The following SPATA16 variants were observed in gnomAD, a reference collection of about 807,000 sequenced individuals.
SPATA16 encodes the protein spermatogenesis associated 16.
In SPATA16, 36 loss-of-function variants were observed where a neutral mutation model predicts 63.3. The observed-to-expected ratio is 0.57, with a 90% CI of 0.44 to 0.75. The LOEUF (loss-of-function observed/expected upper bound fraction) is 0.75, where lower values mean the gene tolerates loss of function less well. Ranked by LOEUF, SPATA16 falls within the 30% of genes least tolerant of loss-of-function variation. SPATA16 has a pLI of 0.00. For synonymous variants in SPATA16, 203 were observed against 216.7 expected (o/e 0.94, Z 0.56); for missense variants, 646 against 679.3 (o/e 0.95, Z 0.54).
intron 4 of SPATA16, among the ~76,000 whole-genome samples, chr3:173,006,931 T>C (rs953948764): frequency 6.6e-6 from 1 of 152,178 alleles, no homozygotes; most frequent in African/African-American, 2.4e-5. Context: ...ACCCTAAATG[T>C]TATACTAATT....
chr3:173,096,772 G>A (rs1036589463), intron 2 of SPATA16, among the ~76,000 whole-genome samples: 1 of 151,938 alleles, frequency 6.6e-6, no homozygotes, highest in Admixed American at 6.6e-5. Context: ...ATGTGTACAA[G>A]GTGACTTATC....
At chr3:172,938,018 A>T (rs1443773051) in intron 6 of SPATA16, among the ~76,000 whole-genome samples, 1 of 152,172 alleles carries the variant, frequency 6.6e-6, no homozygotes, top group Non-Finnish European at 1.5e-5. Flanking sequence ...TCTCAGATGA[A>T]GCAGCTGATA....
intron 3 of SPATA16, among the ~76,000 whole-genome samples, chr3:173,020,997 A>G (rs1735319074): frequency 6.6e-6 from 1 of 152,194 alleles, no homozygotes; most frequent in South Asian, 2.1e-4. Flanking sequence ...GCACATAATC[A>G]TAATTGCACA....
At chr3:173,081,639 GA>G (rs1736924434) in intron 2 of SPATA16, among the ~76,000 whole-genome samples, 2 of 152,074 alleles carry the variant, frequency 1.3e-5, no homozygotes, top group South Asian at 2.1e-4. Context: ...CAAAAGACCA[GA>G]ACAAGGTAAA....
chr3:173,050,784 C>T (rs1470925911), intron 2 of SPATA16, among the ~76,000 whole-genome samples: 1 of 152,040 alleles, frequency 6.6e-6, no homozygotes, highest in African/African-American at 2.4e-5. Context: ...AAAAAATTAG[C>T]AAAGACTATT....
chr3:172,925,826 C>G (rs367952223), intron 6 of SPATA16, among the ~76,000 whole-genome samples: 1 of 151,880 alleles, frequency 6.6e-6, no homozygotes, highest in Non-Finnish European at 1.5e-5. Context: ...CAAGAGACTT[C>G]GATTTTTCTT....
intron 3 of SPATA16, among the ~76,000 whole-genome samples, chr3:173,030,179 TAAATG>T (rs1735571029): frequency 6.7e-6 from 1 of 149,660 alleles, no homozygotes; most frequent in Non-Finnish European, 1.5e-5. Flanking sequence ...CTTATGAAGT[TAAATG>T]AAAGTAAAAA....
chr3:172,977,453 G>C (rs1734191774), intron 4 of SPATA16, among the ~76,000 whole-genome samples: 1 of 151,880 alleles, frequency 6.6e-6, no homozygotes, highest in Non-Finnish European at 1.5e-5. Flanking sequence ...CTATTAGATT[G>C]GTATTTAAGC....
intron 2 of SPATA16, among the ~76,000 whole-genome samples, chr3:173,103,606 G>C (rs73030960): frequency 0.038 from 5,826 of 152,312 alleles, 365 homozygotes; most frequent in African/African-American, 0.13. Context: ...GCAGGGAAAA[G>C]TGTCCTGAGG....
intron 8 of SPATA16, among the ~76,000 whole-genome samples, chr3:172,918,019 G>A (rs1732533747): frequency 6.6e-6 from 1 of 152,120 alleles, no homozygotes; most frequent in Non-Finnish European, 1.5e-5. Flanking sequence ...ACACTAATTT[G>A]TTCTTTCTGA....
chr3:173,045,706 A>ATTTATCATACTCT (rs1735942788), intron 3 of SPATA16, among the ~76,000 whole-genome samples: 1 of 152,002 alleles, frequency 6.6e-6, no homozygotes. Flanking sequence ...TTTCCTTCAC[A>ATTTATCATACTCT]GCATTTATCA....
At chr3:173,109,015 C>T (rs145174796) in intron 2 of SPATA16, among the ~76,000 whole-genome samples, 28 of 152,248 alleles carry the variant, frequency 1.8e-4, no homozygotes, top group Non-Finnish European at 2.5e-4. Context: ...TAAGAACCTA[C>T]GATGTTCATA....
chr3:172,978,215 T>C (rs2108252102), intron 4 of SPATA16, among the ~76,000 whole-genome samples: 1 of 151,986 alleles, frequency 6.6e-6, no homozygotes, highest in African/African-American at 2.4e-5. Context: ...CACTGACATT[T>C]CAAAATAAAT....
intron 4 of SPATA16, among the ~76,000 whole-genome samples, chr3:172,990,929 A>G (rs549977616): frequency 3.3e-5 from 5 of 152,146 alleles, no homozygotes; most frequent in Non-Finnish European, 5.9e-5. Context: ...ACTAGCAATA[A>G]AAATGTATGA....
chr3:173,012,573 A>C (rs1735096233), intron 4 of SPATA16, among the ~76,000 whole-genome samples: 1 of 152,326 alleles, frequency 6.6e-6, no homozygotes. Context: ...CTGGTACAAA[A>C]ACACACACAG....
chr3:173,068,594 G>A (rs1053400910), intron 2 of SPATA16, among the ~76,000 whole-genome samples: 1 of 151,860 alleles, frequency 6.6e-6, no homozygotes, highest in African/African-American at 2.4e-5. Context: ...AATGACCAGG[G>A]GGTTTTCAAG....
intron 3 of SPATA16, among the ~76,000 whole-genome samples, chr3:173,038,699 T>C (rs2108288210): frequency 6.6e-6 from 1 of 152,228 alleles, no homozygotes; most frequent in East Asian, 1.9e-4. Context: ...CCATTCACTG[T>C]GCTAAATCGA....
chr3:172,891,076 C>T (rs1731886098), intron 10 of SPATA16, among the ~76,000 whole-genome samples: 1 of 150,292 alleles, frequency 6.7e-6, no homozygotes, highest in African/African-American at 2.4e-5. Context: ...ACAGTCAGTG[C>T]AAATATAATG....
intron 6 of SPATA16, among the ~76,000 whole-genome samples, chr3:172,930,514 C>T (rs542913119): frequency 6.6e-6 from 1 of 150,658 alleles, no homozygotes; most frequent in South Asian, 2.1e-4. Flanking sequence ...TAAAGGGTTT[C>T]CTGAATATTA....
Sources: allele counts gnomAD v4.1 joint callset (sites outside exome capture counted in the v4.1 genomes callset), GRCh38; gene constraint gnomAD v4.1.1; transcripts MANE v1.5; gene names NCBI Gene and HGNC (gene_info 2026-07-23, HGNC 2026-07-21).